Variants in UTY observed in about 807,000 individuals in gnomAD.
UTY encodes the protein ubiquitously transcribed tetratricopeptide repeat containing, Y-linked.
UTY carries 12 observed loss-of-function variants against 32.5 expected under a neutral mutation model. The observed-to-expected ratio is 0.37, with a 90% confidence interval of 0.24 to 0.60. The LOEUF (loss-of-function observed/expected upper bound fraction) is 0.60, where lower values mean the gene tolerates loss of function less well. Among genes scored for constraint, UTY ranks in the 20% least tolerant of loss-of-function variants. The pLI, the probability that UTY is intolerant of heterozygous loss-of-function variation, is 0.69. For synonymous variants in UTY, 131 were observed against 103.4 expected, an observed-to-expected ratio of 1.27 and a Z score of -1.62; for missense variants, 303 against 299.2, an observed-to-expected ratio of 1.01 and a Z score of -0.09.
chrY:13,252,277 A>C, intron 28 of UTY, among the ~76,000 whole-genome samples: 1 of 32,737 alleles, frequency 3.1e-5, no homozygotes, highest in African/African-American at 1.2e-4. Flanking sequence ...TATTACTATC[A>C]ACAGGAGTAA....
At chrY:13,332,479 A>G in intron 18 of UTY, among the ~76,000 whole-genome samples, 1 of 33,857 alleles carries the variant, frequency 3.0e-5, no homozygotes, top group Non-Finnish European at 7.3e-5. Context: ...TCACATAAAC[A>G]GAATCTATGA....
At chrY:13,275,888 A>G (rs2056643497) in intron 27 of UTY, among the ~76,000 whole-genome samples, 2 of 33,900 alleles carry the variant, frequency 5.9e-5, no homozygotes, top group African/African-American at 2.3e-4. Flanking sequence ...AAGTGTTTTC[A>G]TATTAGAAAG....
At chrY:13,292,048 T>C (rs2057786614) in intron 27 of UTY, among the ~76,000 whole-genome samples, 1 of 33,058 alleles carries the variant, frequency 3.0e-5, no homozygotes, top group African/African-American at 1.2e-4. Context: ...ATGACCACTT[T>C]TACCACTAAC....
chrY:13,361,331 T>G (rs921423591), intron 10 of UTY, among the ~76,000 whole-genome samples: 2 of 33,526 alleles, frequency 6.0e-5, no homozygotes, highest in Admixed American at 5.5e-4. Flanking sequence ...AAATGGAAAT[T>G]TTTAAATCTA....
At position 13,414,225 on chromosome Y, in the gene UTY, A is replaced by G. The variant is rs2071371153; in HGVS notation, c.434+510T>C. Among the ~76,000 whole-genome samples the G allele has an allele frequency of 4.7e-4, 16 of 34,201 alleles. No individual in the cohort carries two copies. The South Asian group carries it at 0.01, about 22-fold the overall frequency. 91.8% of individuals were successfully genotyped at this position (34,201 alleles called of 37,273 possible). ...AACTAACATATTTATGACGGATTAT[A>G]CAAGACGGTTAGTGAATTAAGTTTA... On this transcript the variant is annotated intron_variant, in intron 5 of 29. Coordinates refer to ENST00000545955, the MANE Select transcript of UTY (RefSeq NM_001258249.2).
intron 27 of UTY, among the ~76,000 whole-genome samples, chrY:13,292,457 A>C (rs571023364): frequency 9.6e-5 from 3 of 31,106 alleles, no homozygotes; most frequent in Non-Finnish European, 1.5e-4. Context: ...TTGAAAAAAA[A>C]AAAAACAAAA....
At chrY:13,288,717 C>T in intron 27 of UTY, among the ~76,000 whole-genome samples, 1 of 33,272 alleles carries the variant, frequency 3.0e-5, no homozygotes. Context: ...CATAGGGTTA[C>T]AAGCTGTTTT....
intron 27 of UTY, among the ~76,000 whole-genome samples, chrY:13,290,389 C>T (rs949760868): frequency 6.0e-5 from 2 of 33,177 alleles, no homozygotes; most frequent in East Asian, 1.6e-3. Flanking sequence ...ACTATATATA[C>T]CAATAAATTA....
intron 2 of UTY, among the ~76,000 whole-genome samples, chrY:13,478,315 T>A: frequency 2.7e-4 from 9 of 33,431 alleles, no homozygotes; most frequent in Non-Finnish European, 5.9e-4. Context: ...CAGGGCCAAG[T>A]TACGCAACAA....
chrY:13,446,567 T>TAGAC (rs2075800871), intron 4 of UTY, among the ~76,000 whole-genome samples: 1 of 14,406 alleles, frequency 6.9e-5, no homozygotes, highest in African/African-American at 2.6e-4. Flanking sequence ...GATAGATAGA[T>TAGAC]AGATAGATAG....
At chrY:13,257,240 T>C (rs2054825924) in intron 28 of UTY, among the ~76,000 whole-genome samples, 1 of 33,965 alleles carries the variant, frequency 2.9e-5, no homozygotes, top group Non-Finnish European at 7.3e-5. Flanking sequence ...TTAAACGTCA[T>C]CTTTTGCAGT....
chrY:13,264,563 T>G (rs977999775), intron 27 of UTY, among the ~76,000 whole-genome samples: 49 of 33,532 alleles, frequency 1.5e-3, no homozygotes, highest in African/African-American at 5.7e-3. Context: ...TGGCCACATA[T>G]CTTTTGAAAA....
At chrY:13,323,983 A>T in intron 20 of UTY, among the ~76,000 whole-genome samples, 1 of 32,986 alleles carries the variant, frequency 3.0e-5, no homozygotes, top group South Asian at 6.6e-4. Context: ...TATATTTAAT[A>T]CTCAGAACTT....
chrY:13,396,237 A>T, intron 7 of UTY: 1 of 32,729 alleles, frequency 3.1e-5, no homozygotes, highest in East Asian at 7.9e-4. Flanking sequence ...TCTATACATT[A>T]AAAGGGAGTG....
intron 3 of UTY, 113 bp from the exon 4 acceptor site, chrY:13,449,179 A>G: frequency 6.5e-6 from 1 of 154,848 alleles, no homozygotes. Context: ...CTGTTAACAA[A>G]CAATAAAAAT....
At chrY:13,263,163 CAGA>C in intron 27 of UTY, among the ~76,000 whole-genome samples, 1 of 32,525 alleles carries the variant, frequency 3.1e-5, no homozygotes. Context: ...ACAGCCATTC[CAGA>C]AGGAGACTCT....
At chrY:13,473,477 G>A (rs1034397303) in intron 2 of UTY, among the ~76,000 whole-genome samples, 3 of 33,566 alleles carry the variant, frequency 8.9e-5, no homozygotes, top group Admixed American at 8.1e-4. Flanking sequence ...AATTAAAATA[G>A]CAGGCAGTAA....
intron 4 of UTY, among the ~76,000 whole-genome samples, chrY:13,439,755 C>T (rs920506085): frequency 9.2e-5 from 3 of 32,653 alleles, no homozygotes; most frequent in African/African-American, 3.6e-4. Context: ...CAAAGAAGTA[C>T]GGGAACTAAC....
intron 8 of UTY, among the ~76,000 whole-genome samples, chrY:13,377,641 C>T: frequency 3.0e-5 from 1 of 32,890 alleles, no homozygotes; most frequent in Admixed American, 2.8e-4. Context: ...GAACCGGGGA[C>T]GTGGAGGTTG....
Sources: gnomAD v4.1 joint callset for allele counts (sites outside exome capture counted in the v4.1 genomes callset) on GRCh38, gnomAD v4.1.1 for gene constraint, MANE v1.5 for transcripts, NCBI Gene and HGNC (gene_info 2026-07-23, HGNC 2026-07-21) for gene names.